Variants in STYXL1 observed in about 807,000 individuals in gnomAD.
STYXL1 encodes serine/threonine/tyrosine interacting like 1, also known as serine/threonine/tyrosine-interacting-like protein 1.
Under a neutral mutation model 36.4 loss-of-function variants are expected in STYXL1, and 32 were observed. That is an observed-to-expected ratio of 0.88 (90% CI 0.66 to 1.18). The LOEUF (loss-of-function observed/expected upper bound fraction) is 1.18, where lower values mean the gene tolerates loss of function less well. Among genes scored for constraint, STYXL1 ranks in the 50% most tolerant of loss-of-function variants. STYXL1 has a pLI of 0.00. For synonymous variants in STYXL1, 133 were observed against 144.1 expected (o/e 0.92, Z 0.55); for missense variants, 354 against 394.1 (o/e 0.90, Z 0.86).
In STYXL1 at chr7:76,047,965, A is replaced by G. The variant is rs1469274676; in HGVS notation, c.-308T>C. On this transcript the variant is annotated 5_prime_UTR_variant, in exon 1 of 9. Coordinates refer to ENST00000359697, the MANE Select transcript of STYXL1 (RefSeq NM_001317785.2). ...CCAGCCAAACACCGGGGTTGCCAGGATGGTCCCACAGCTTTCCTTTCCGAC... is the reference window on the plus strand; with the variant it reads ...CCAGCCAAACACCGGGGTTGCCAGGGTGGTCCCACAGCTTTCCTTTCCGAC... The G allele has an allele frequency of 3.4e-6, 5 of 1,463,624 alleles. No homozygotes were observed. The African/African-American group carries it at 7.1e-5, about 21-fold the overall frequency. 90.7% of individuals were successfully genotyped at this position (1,463,624 alleles called of 1,614,324 possible).
chr7:75,999,345 C>T lies in STYXL1; in HGVS notation c.810+1545G>A, dbSNP rs551207758. 7.2e-5 allele frequency among the ~76,000 whole-genome samples: 11 copies of T among 152,094 alleles called. No individual in the cohort carries two copies. In the East Asian group the frequency reaches 9.7e-4, roughly 13 times the overall value. ...ACAAAAAGTAGAATGGTGGTTCCCA[C>T]GGGGCGATGAAGAGGGGAAAGTAAA... On this transcript the variant is annotated intron_variant, in intron 8 of 8. Transcript: ENST00000359697.
At chr7:76,019,979 T>C (rs2116008781) in intron 4 of STYXL1, among the ~76,000 whole-genome samples, 1 of 148,886 alleles carries the variant, frequency 6.7e-6, no homozygotes, top group African/African-American at 2.5e-5. Flanking sequence ...AGCCTTGAGA[T>C]GGTCTTGTAC....
chr7:76,001,000 T>G lies in STYXL1; in HGVS notation c.700A>C (p.Ile234Leu). Residue 234 changes from isoleucine to leucine, a missense_variant and splice_region_variant, in exon 8 of 9, where the codon ATT becomes CTT. Physicochemically the swap from Ile to Leu is conservative, Grantham distance 5. Transcript: ENST00000359697. ...FLRHMCHFIEIHHHLGSVILI... is the reference protein window; with the variant it reads ...FLRHMCHFIELHHHLGSVILI... ...ATGACAGAGCCAAGGTGATGGTGAA[T>G]TTCTGCAAAAAGAAGTGGGGGGTTG... 6.2e-7 allele frequency: 1 copy of G among 1,613,688 alleles called. No individual in the cohort carries two copies. Among genetic ancestry groups the G allele is most frequent in the Non-Finnish European group, 8.5e-7 (1 of 1,179,608 alleles).
chr7:76,043,680 G>A (rs1563530739), intron 1 of STYXL1, among the ~76,000 whole-genome samples: 1 of 152,156 alleles, frequency 6.6e-6, no homozygotes, highest in Non-Finnish European at 1.5e-5. Context: ...TGTCGAAGGG[G>A]CTTTTCTTGC....
At chr7:76,023,152 C>G (rs1479042921) in intron 3 of STYXL1, among the ~76,000 whole-genome samples, 1 of 152,052 alleles carries the variant, frequency 6.6e-6, no homozygotes, top group African/African-American at 2.4e-5. Flanking sequence ...GGGCTCTCTT[C>G]CTCTCTGCTT....
At chr7:76,010,561 C>T (rs1554571932) in intron 5 of STYXL1, among the ~76,000 whole-genome samples, 3 of 152,108 alleles carry the variant, frequency 2.0e-5, no homozygotes, top group Non-Finnish European at 4.4e-5. Flanking sequence ...CAGAAGGAGC[C>T]AGGGTGAGGC....
At chr7:76,018,395 ATTTTT>A (rs1268797595) in intron 4 of STYXL1, among the ~76,000 whole-genome samples, 1 of 144,694 alleles carries the variant, frequency 6.9e-6, no homozygotes, top group Non-Finnish European at 1.5e-5. Flanking sequence ...CAGTACTTTT[ATTTTT>A]TTTTTTTTGA....
chr7:76,003,702 C>T lies in STYXL1; in HGVS notation c.697+56G>A, dbSNP rs1791273466. 3.3e-6 allele frequency: 5 copies of T among 1,500,420 alleles called. No homozygotes were observed. In the Admixed American group the frequency reaches 6.7e-5, roughly 20 times the overall value. 92.9% of individuals were successfully genotyped at this position (1,500,420 alleles called of 1,614,324 possible). ...TAAGCCTGTGAAGGAGGCTCCACTG[C>T]CCCTCTGCTTCCCAGACACAGGCCA... On this transcript the variant is annotated intron_variant, in intron 7 of 8. Coordinates refer to ENST00000359697, the MANE Select transcript of STYXL1 (RefSeq NM_001317785.2).
rs782034758 is a variant in STYXL1 at position 76,003,808 on chromosome 7, G to A, written c.647C>T (p.Ser216Phe). 2 of 1,614,210 alleles carry A rather than the reference G, an allele frequency of 1.2e-6. No homozygotes were observed. Among genetic ancestry groups the A allele is most frequent in the South Asian group, 2.2e-5 (2 of 91,082 alleles). The change falls in exon 7 of 9, where the codon TCC becomes TTC. Residue 216 changes from serine (S) to phenylalanine (F), a missense_variant. Ser to Phe is a radical substitution (Grantham distance 155). Transcript: ENST00000359697. ...GAAGGGAAGAATCTGGGCTTCCGGGGAATCTTCTATCCGGATGTGCAGAAG... is the reference window on the plus strand; with the variant it reads ...GAAGGGAAGAATCTGGGCTTCCGGGAAATCTTCTATCCGGATGTGCAGAAG... ...DKLLHIRIED[S>F]PEAQILPFLR...
At chr7:76,004,148 C>T (rs1380901986) in intron 6 of STYXL1, among the ~76,000 whole-genome samples, 8 of 152,096 alleles carry the variant, frequency 5.3e-5, no homozygotes, top group African/African-American at 1.9e-4. Flanking sequence ...GGCTGGAGTG[C>T]AGTGGCACGA....
intron 3 of STYXL1, among the ~76,000 whole-genome samples, chr7:76,026,688 T>G (rs1329970790): frequency 6.6e-6 from 1 of 152,124 alleles, no homozygotes. Context: ...CTGACAGATG[T>G]GGAGATCAAG....
intron 5 of STYXL1, among the ~76,000 whole-genome samples, chr7:76,007,253 C>G (rs1791893919): frequency 6.6e-6 from 1 of 152,038 alleles, no homozygotes; most frequent in Non-Finnish European, 1.5e-5. Context: ...GAGTGAAACC[C>G]CATCTCCACG....
chr7:76,004,525 G>A (rs1286773488), intron 6 of STYXL1, among the ~76,000 whole-genome samples: 1 of 151,696 alleles, frequency 6.6e-6, no homozygotes, highest in Non-Finnish European at 1.5e-5. Flanking sequence ...GCAACATTTT[G>A]AAACCCTGTC....
At chr7:76,046,496 G>A (rs1053360725) in intron 1 of STYXL1, among the ~76,000 whole-genome samples, 3 of 149,598 alleles carry the variant, frequency 2.0e-5, no homozygotes, top group South Asian at 2.1e-4. Context: ...ACAGGCACAC[G>A]CCACCATGCC....
At chr7:76,030,576 G>T in intron 1 of STYXL1, 49 bp from the exon 2 acceptor site, 1 of 1,116,248 alleles carries the variant, frequency 9.0e-7, no homozygotes, top group South Asian at 1.3e-5. Flanking sequence ...TATTTTAGAT[G>T]AATGACCACA....
chr7:76,028,426 C>T lies in STYXL1; in HGVS notation c.165+216G>A, dbSNP rs111731840. Reference sequence around the variant, plus strand: ...CGAGACCCGGTCTCAAAAATTAAATCAGTATTTGTCTAATGGAGTTGTTGA... The same window carrying T: ...CGAGACCCGGTCTCAAAAATTAAATTAGTATTTGTCTAATGGAGTTGTTGA... On this transcript the variant is annotated intron_variant, in intron 3 of 8. Transcript: ENST00000359697. 3.3e-3 allele frequency among the ~76,000 whole-genome samples: 502 copies of T among 152,222 alleles called. 3 individuals carry two copies. Among genetic ancestry groups the T allele is most frequent in the African/African-American group, 0.012 (478 of 41,528 alleles).
Position 76,021,972 on chromosome 7 carries a change from G to A in STYXL1, c.186C>T (p.Leu62=). The change falls in exon 4 of 9, where the codon CTC becomes CTT. Residue 62 remains leucine, a synonymous_variant. Coordinates refer to ENST00000359697, the MANE Select transcript of STYXL1 (RefSeq NM_001317785.2). ...CACACTCCAGGTCCACAGACTCCGGGAGAAGATATTCATTATTTTTCTTAA... is the reference window on the plus strand; with the variant it reads ...CACACTCCAGGTCCACAGACTCCGGAAGAAGATATTCATTATTTTTCTTAA... ...RVKKKNNEYL[L]PESVDLECVK... is the part of the protein sequence containing the mutation. 6.2e-7 allele frequency: 1 copy of A among 1,608,032 alleles called. No individual in the cohort carries two copies. Among genetic ancestry groups the A allele is most frequent in the Non-Finnish European group, 8.5e-7 (1 of 1,178,920 alleles).
chr7:76,012,486 TG>T (rs1554572502), intron 5 of STYXL1, among the ~76,000 whole-genome samples: 1 of 150,446 alleles, frequency 6.6e-6, no homozygotes, highest in Non-Finnish European at 1.5e-5. Context: ...CTCCTCCTCC[TG>T]GGTTCAAGTA....
intron 3 of STYXL1, among the ~76,000 whole-genome samples, chr7:76,026,905 G>GA (rs2116226158): frequency 6.6e-6 from 1 of 152,094 alleles, no homozygotes; most frequent in South Asian, 2.1e-4. Flanking sequence ...AAAAAGATAA[G>GA]AAAAAATTAG....
Sources: allele counts gnomAD v4.1 joint callset (sites outside exome capture counted in the v4.1 genomes callset), GRCh38; gene constraint gnomAD v4.1.1; transcripts MANE v1.5; gene names NCBI Gene and HGNC (gene_info 2026-07-23, HGNC 2026-07-21).